RBMS2: variants seen among roughly 807,000 people sequenced by gnomAD.
RBMS2 encodes the protein RNA binding motif single stranded interacting protein 2.
Under a neutral mutation model 58.4 loss-of-function variants are expected in RBMS2, and 38 were observed. That is an observed-to-expected ratio of 0.65 (90% CI 0.50 to 0.85). The LOEUF (loss-of-function observed/expected upper bound fraction) is 0.85, where lower values mean the gene tolerates loss of function less well. Ranked by LOEUF, RBMS2 falls within the 40% of genes least tolerant of loss-of-function variation. The pLI, the probability that RBMS2 is intolerant of heterozygous loss-of-function variation, is 0.00. For synonymous variants in RBMS2, 151 were observed against 180.7 expected (o/e 0.84, Z 1.32); for missense variants, 367 against 503.7 (o/e 0.73, Z 2.60).
intron 1 of RBMS2, among the ~76,000 whole-genome samples, chr12:56,555,160 CCT>C (rs778167546): frequency 1.5e-4 from 23 of 151,778 alleles, no homozygotes; most frequent in Non-Finnish European, 2.8e-4. Flanking sequence ...TTGAGGACTA[CCT>C]CTCTCTGACT....
chr12:56,563,966 A>G (rs936801397), intron 2 of RBMS2, among the ~76,000 whole-genome samples: 9 of 152,026 alleles, frequency 5.9e-5, no homozygotes, highest in African/African-American at 2.2e-4. Context: ...TAGGTCCTTG[A>G]TTTCTAAATT....
chr12:56,548,102 C>T (rs1038833058), intron 1 of RBMS2, among the ~76,000 whole-genome samples: 2 of 152,130 alleles, frequency 1.3e-5, no homozygotes, highest in African/African-American at 4.8e-5. Context: ...CACCATTCAT[C>T]TATGAGTCCC....
At chr12:56,538,893 C>G (rs1875522396) in intron 1 of RBMS2, among the ~76,000 whole-genome samples, 1 of 152,078 alleles carries the variant, frequency 6.6e-6, no homozygotes, top group South Asian at 2.1e-4. Flanking sequence ...CTGTACAAGT[C>G]TTTTGCCTCC....
rs894501765 is a variant in RBMS2, at chr12:56,589,324, T to C, written c.*191T>C. On this transcript the variant is annotated 3_prime_UTR_variant, in exon 14 of 14. Coordinates refer to ENST00000262031, the MANE Select transcript of RBMS2 (RefSeq NM_002898.4). Reference sequence around the variant, plus strand: ...TCTCTACGTTCCTGCCCTTTACTATTGCTGATGGAGCCTGGGGGAACCATC... The same window carrying C: ...TCTCTACGTTCCTGCCCTTTACTATCGCTGATGGAGCCTGGGGGAACCATC... 1 of 1,299,298 alleles carries C rather than the reference T, an allele frequency of 7.7e-7. No homozygotes were observed. Among genetic ancestry groups the C allele is most frequent in the Non-Finnish European group, 1.0e-6 (1 of 1,004,720 alleles). 80.5% of individuals were successfully genotyped at this position (1,299,298 alleles called of 1,614,324 possible). A position where few individuals can be genotyped will look rare whatever the true frequency, so the allele number is the denominator to read the frequency against.
intron 1 of RBMS2, among the ~76,000 whole-genome samples, chr12:56,537,367 C>G (rs1875104628): frequency 6.6e-6 from 1 of 152,186 alleles, no homozygotes; most frequent in South Asian, 2.1e-4. Context: ...TCCCTCCAGC[C>G]TCTGGCAACC....
At chr12:56,582,229 A>G in intron 9 of RBMS2, 77 bp downstream of exon 9, 1 of 1,290,786 alleles carries the variant, frequency 7.7e-7, no homozygotes. Flanking sequence ...AAGGCTAGGA[A>G]CTACTTGTTT....
chr12:56,543,260 A>G (rs1054647474), intron 1 of RBMS2, among the ~76,000 whole-genome samples: 44 of 150,488 alleles, frequency 2.9e-4, no homozygotes, highest in African/African-American at 1.0e-3. Context: ...AGGCGGGTGG[A>G]TCACCTGACG....
Position 56,536,609 on chromosome 12 carries a change from C to T in RBMS2, c.66+14520C>T, listed in dbSNP as rs1874908975. Among the ~76,000 whole-genome samples the T allele has an allele frequency of 2.7e-5, 4 of 150,716 alleles. No individual in the cohort carries two copies. The South Asian group carries it at 8.4e-4, about 32-fold the overall frequency. ...TTGAGATGGAGTCTCACTCTGTCTC[C>T]CAGGCTGGAGTGCAGTGGCGTGATC... On this transcript the variant is annotated intron_variant, in intron 1 of 13. Transcript: ENST00000262031.
intron 1 of RBMS2, among the ~76,000 whole-genome samples, chr12:56,545,724 A>T (rs981237810): frequency 1.3e-5 from 2 of 152,100 alleles, no homozygotes; most frequent in Non-Finnish European, 2.9e-5. Context: ...GCATAATGTT[A>T]TTGGGCTTAC....
At chr12:56,543,357 C>T (rs961171446) in intron 1 of RBMS2, among the ~76,000 whole-genome samples, 8 of 151,702 alleles carry the variant, frequency 5.3e-5, no homozygotes, top group Middle Eastern at 3.4e-3. Flanking sequence ...TGGTGGCAGG[C>T]GCCTGTAATC....
At chr12:56,553,909 C>T (rs1350959684) in intron 1 of RBMS2, among the ~76,000 whole-genome samples, 1 of 151,512 alleles carries the variant, frequency 6.6e-6, no homozygotes, top group Non-Finnish European at 1.5e-5. Flanking sequence ...ACTGCAGCCT[C>T]CGCCTCCTGG....
intron 8 of RBMS2, 67 bp from the exon 9 acceptor site, chr12:56,581,992 C>G: frequency 6.4e-7 from 1 of 1,567,742 alleles, no homozygotes; most frequent in Non-Finnish European, 8.8e-7. Flanking sequence ...TTGGCTGTGC[C>G]TATCAGTTGG....
chr12:56,556,021 G>A (rs963079173), intron 1 of RBMS2, among the ~76,000 whole-genome samples: 20 of 151,304 alleles, frequency 1.3e-4, no homozygotes, highest in African/African-American at 4.6e-4. Context: ...CTCCAGCCTG[G>A]AAGACAGAGC....
intron 1 of RBMS2, among the ~76,000 whole-genome samples, chr12:56,552,852 T>C (rs985280154): frequency 1.4e-5 from 2 of 146,096 alleles, no homozygotes; most frequent in African/African-American, 5.0e-5. Flanking sequence ...AAAAAATAAA[T>C]AAAATACTTA....
intron 9 of RBMS2, among the ~76,000 whole-genome samples, chr12:56,582,353 C>T (rs909571008): frequency 6.6e-6 from 1 of 152,146 alleles, no homozygotes; most frequent in Non-Finnish European, 1.5e-5. Context: ...TCTTACTCCC[C>T]CTCCACCACC....
At chr12:56,582,037 T>C in intron 8 of RBMS2, 22 bp from the exon 9 acceptor site, 1 of 1,582,714 alleles carries the variant, frequency 6.3e-7, no homozygotes, top group Non-Finnish European at 8.6e-7. Flanking sequence ...GACTCAGTAC[T>C]GATTGAGGTT....
intron 2 of RBMS2, among the ~76,000 whole-genome samples, chr12:56,567,476 G>T (rs1881567371): frequency 6.6e-6 from 1 of 151,692 alleles, no homozygotes; most frequent in Admixed American, 6.6e-5. Flanking sequence ...GGAAGAAGAA[G>T]AAGAAGAAAG....
chr12:56,570,142 G>C, intron 4 of RBMS2, 152 bp downstream of exon 4: 5 of 624,700 alleles, frequency 8.0e-6, no homozygotes, highest in Non-Finnish European at 1.4e-5. Context: ...AGCACCCCTG[G>C]CTGCTGGAGG....
Position 56,521,955 on chromosome 12 carries a change from C to T in RBMS2, c.-69C>T. The T allele has an allele frequency of 1.5e-6, 1 of 669,608 alleles. No individual in the cohort carries two copies. The highest frequency in any genetic ancestry group is 2.3e-6 in the Non-Finnish European group (1 of 440,466). The allele number at this position is 669,608 out of a possible 1,614,324, so 41.5% of individuals were successfully genotyped here. ...CCTCGCTCCCCTCCTCCCTCCCTCC[C>T]CGTCTTTCTTACCCCCTCCCTTTCT... On this transcript the variant is annotated 5_prime_UTR_variant, in exon 1 of 14. Transcript: ENST00000262031.
Sources: allele counts gnomAD v4.1 joint callset (sites outside exome capture counted in the v4.1 genomes callset), GRCh38; gene constraint gnomAD v4.1.1; transcripts MANE v1.5; gene names NCBI Gene and HGNC (gene_info 2026-07-23, HGNC 2026-07-21).